BID: variants seen among roughly 807,000 people sequenced by gnomAD.
BID encodes the protein BH3-interacting domain death agonist.
BID carries 19 observed loss-of-function variants against 17.4 expected under a neutral mutation model. The ratio of observed to expected loss-of-function variants is 1.09; its 90% CI spans 0.76 to 1.60. BID has a LOEUF of 1.60. BID is among the 40% of genes most tolerant of loss of function. The pLI is 0.00. For synonymous variants in BID, 108 were observed against 102.8 expected (o/e 1.05, Z -0.31); for missense variants, 226 against 256.0 (o/e 0.88, Z 0.80).
chr22:17,753,828 C>T (rs2061559612), intron 1 of BID, among the ~76,000 whole-genome samples: 1 of 152,252 alleles, frequency 6.6e-6, no homozygotes, highest in African/African-American at 2.4e-5. Flanking sequence ...AGGACACTCA[C>T]AGCCAGGTTC....
intron 1 of BID, among the ~76,000 whole-genome samples, chr22:17,756,432 C>CT (rs564601583): frequency 0.048 from 3,310 of 68,776 alleles, 74 homozygotes; most frequent in East Asian, 0.15. Flanking sequence ...TTCTTTCTTT[C>CT]TTCTTTCTTT....
At chr22:17,761,745 C>T (rs5992815) in intron 1 of BID, among the ~76,000 whole-genome samples, 5,932 of 152,180 alleles carry the variant, frequency 0.039, 357 homozygotes, top group African/African-American at 0.13. Context: ...TAATCTTTCA[C>T]TTTGAAGGCA....
intron 1 of BID, among the ~76,000 whole-genome samples, chr22:17,765,211 C>T (rs1164781207): frequency 1.3e-5 from 2 of 151,724 alleles, no homozygotes; most frequent in South Asian, 2.1e-4. Context: ...GAGGACCCTG[C>T]GGTATTCTAT....
chr22:17,757,480 G>A (rs182298576), intron 1 of BID, among the ~76,000 whole-genome samples: 5 of 151,156 alleles, frequency 3.3e-5, no homozygotes, highest in Admixed American at 1.3e-4. Context: ...AGGCCGAGGC[G>A]GGCGGATCAC....
intron 1 of BID, among the ~76,000 whole-genome samples, chr22:17,759,246 C>CAAAACAAAAAAAA (rs1555906733): frequency 8.7e-6 from 1 of 114,786 alleles, no homozygotes; most frequent in Non-Finnish European, 1.9e-5. Flanking sequence ...AAAAACAAAA[C>CAAAACAAAAAAAA]AAAAAAAAAA....
intron 2 of BID, among the ~76,000 whole-genome samples, chr22:17,747,285 G>A (rs978711172): frequency 1.3e-5 from 2 of 152,182 alleles, no homozygotes; most frequent in African/African-American, 2.4e-5. Flanking sequence ...GGCTTGTGCT[G>A]TGCCAATATG....
At chr22:17,741,933 G>GCTCCTCCAGCACCTCATCA (rs1353991782) in intron 3 of BID, among the ~76,000 whole-genome samples, 1 of 152,154 alleles carries the variant, frequency 6.6e-6, no homozygotes, top group Non-Finnish European at 1.5e-5. Context: ...AGAGCACCCA[G>GCTCCTCCAGCACCTCATCA]CTCCTCCAGC....
chr22:17,767,774 C>T (rs78650530), intron 1 of BID, among the ~76,000 whole-genome samples: 1,681 of 152,242 alleles, frequency 0.011, 28 homozygotes, highest in African/African-American at 0.038. Context: ...GGAGAAACAG[C>T]GTCCGCGAAG....
At position 17,752,196 on chromosome 22, in the gene BID, C is replaced by A. The variant is rs144394247; in HGVS notation, c.-58-2022G>T. Among the ~76,000 whole-genome samples the A allele has an allele frequency of 8.6e-3, 1,307 of 152,280 alleles. 14 individuals are homozygous for A. The highest frequency in any genetic ancestry group is 0.029 in the African/African-American group (1,212 of 41,552). The stretch of plus-strand genomic sequence containing the variant: ...CCACCTTGGCACTGTGGTGAGTCTC[C>A]CACCAGACCCTAACGCCGTGTCTCA... On this transcript the variant is annotated intron_variant, in intron 1 of 5. Transcript: ENST00000622694.
At position 17,756,432 on chromosome 22, in the gene BID, C is replaced by CTTCTTTCTTTCT. The variant is rs1555906073; in HGVS notation, c.-58-6270_-58-6259dup. The stretch of plus-strand genomic sequence containing the variant: ...TTTCTCTTTCTTTCTTTCTTTCTTT[C>CTTCTTTCTTTCT]TTCTTTCTTTCTTTCTTTCTTTCTT... On this transcript the variant is annotated intron_variant, in intron 1 of 5. Transcript: ENST00000622694. Among the ~76,000 whole-genome samples the CTTCTTTCTTTCT allele has an allele frequency of 4.2e-3, 294 of 69,238 alleles. 1 individual carries two copies. Among genetic ancestry groups the CTTCTTTCTTTCT allele is most frequent in the South Asian group, 0.016 (22 of 1,334 alleles). The allele number at this position is 69,238 out of a possible 152,430, so 45.4% of individuals were successfully genotyped here.
At chr22:17,766,677 C>A (rs1231776457) in intron 1 of BID, among the ~76,000 whole-genome samples, 2 of 151,858 alleles carry the variant, frequency 1.3e-5, no homozygotes, top group South Asian at 2.1e-4. Flanking sequence ...GCAACCTCCG[C>A]AGCCTGGGTT....
intron 1 of BID, among the ~76,000 whole-genome samples, chr22:17,770,316 A>T (rs1321698360): frequency 6.6e-6 from 1 of 152,200 alleles, no homozygotes; most frequent in African/African-American, 2.4e-5. Flanking sequence ...CCCCGTCTGT[A>T]AAAGGGGACA....
At chr22:17,756,174 G>A (rs2061581430) in intron 1 of BID, among the ~76,000 whole-genome samples, 1 of 152,146 alleles carries the variant, frequency 6.6e-6, no homozygotes, top group South Asian at 2.1e-4. Context: ...GCCTGTTGTT[G>A]TTCTTACGTG....
chr22:17,762,262 C>T (rs992723615), intron 1 of BID, among the ~76,000 whole-genome samples: 1 of 152,088 alleles, frequency 6.6e-6, no homozygotes, highest in South Asian at 2.1e-4. Flanking sequence ...TTTGGGAGGC[C>T]GAGGCGGGTG....
Position 17,773,594 on chromosome 22 carries a change from C to G in BID, c.-59+787G>C. ...GCCGGTCCAGCCGCAGAAGGCCCAG[C>G]CCCCAGCCCACTTACAGAATCCGCA... On this transcript the variant is annotated intron_variant, in intron 1 of 5. Coordinates refer to ENST00000622694, the MANE Select transcript of BID (RefSeq NM_001196.4). This position sits in a 1 kb window ranked among gnomAD's most constrained non-coding sequence, Gnocchi z 4.4. 6.2e-7 allele frequency: 1 copy of G among 1,612,172 alleles called. No individual in the cohort carries two copies.
chr22:17,761,727 C>G (rs547625943), intron 1 of BID, among the ~76,000 whole-genome samples: 9 of 152,290 alleles, frequency 5.9e-5, no homozygotes, highest in African/African-American at 2.2e-4. Context: ...AGCCACCGCA[C>G]CCGGCCATAA....
At chr22:17,748,541 A>G (rs1013555964) in intron 2 of BID, among the ~76,000 whole-genome samples, 1 of 152,184 alleles carries the variant, frequency 6.6e-6, no homozygotes, top group East Asian at 1.9e-4. Flanking sequence ...AGAAGTATCT[A>G]CACAGAATTA....
At chr22:17,742,292 A>T (rs2061464987) in intron 3 of BID, among the ~76,000 whole-genome samples, 1 of 152,148 alleles carries the variant, frequency 6.6e-6, no homozygotes, top group East Asian at 1.9e-4. Flanking sequence ...AGCGAGAGAA[A>T]AACACCAGGG....
intron 1 of BID, among the ~76,000 whole-genome samples, chr22:17,759,029 G>C (rs564108088): frequency 4.6e-5 from 7 of 152,076 alleles, no homozygotes; most frequent in Non-Finnish European, 1.0e-4. Context: ...TCAAGAGATC[G>C]AGACCATCCT....
Sources: gnomAD v4.1 joint callset for allele counts (sites outside exome capture counted in the v4.1 genomes callset) on GRCh38, gnomAD v4.1.1 for gene constraint, Gnocchi (gnomAD v3.1) non-coding constraint, MANE v1.5 for transcripts, NCBI Gene and HGNC (gene_info 2026-07-23, HGNC 2026-07-21) for gene names.